The following SLC25A13 variants were observed in gnomAD, a reference collection of about 807,000 sequenced individuals.
SLC25A13 encodes solute carrier family 25 member 13.
A neutral mutation model predicts 85.5 loss-of-function variants in SLC25A13; 70 were observed. The observed-to-expected ratio is 0.82, with a 90% confidence interval of 0.68 to 1.00. SLC25A13 has a LOEUF of 1.00. Among genes scored for constraint, SLC25A13 ranks in the 50% least tolerant of loss-of-function variants. The pLI is 0.00. For synonymous variants in SLC25A13, 259 were observed against 288.7 expected (o/e 0.90, Z 1.04); for missense variants, 765 against 819.8 (o/e 0.93, Z 0.82).
At chr7:96,273,735 A>AT (rs1356336487) in intron 3 of SLC25A13, among the ~76,000 whole-genome samples, 5 of 151,546 alleles carry the variant, frequency 3.3e-5, no homozygotes, top group African/African-American at 7.3e-5. Flanking sequence ...TGTGACTCAG[A>AT]TTTTTTTTTC....
intron 3 of SLC25A13, among the ~76,000 whole-genome samples, chr7:96,267,342 T>C (rs1437637062): frequency 6.6e-6 from 1 of 152,200 alleles, no homozygotes; most frequent in Non-Finnish European, 1.5e-5. Flanking sequence ...CCATATATTC[T>C]TTCCTCAGAA....
chr7:96,246,998 C>A (rs1797215395), intron 3 of SLC25A13, among the ~76,000 whole-genome samples: 1 of 152,196 alleles, frequency 6.6e-6, no homozygotes, highest in African/African-American at 2.4e-5. Context: ...CTTGTTCCAA[C>A]AACAATGACG....
intron 2 of SLC25A13, among the ~76,000 whole-genome samples, chr7:96,291,310 G>A (rs1487519776): frequency 6.6e-6 from 1 of 152,136 alleles, no homozygotes; most frequent in Non-Finnish European, 1.5e-5. Context: ...AGCACTAAAT[G>A]CCCACAAGAG....
At chr7:96,173,773 C>T (rs1794104515) in intron 11 of SLC25A13, among the ~76,000 whole-genome samples, 1 of 152,140 alleles carries the variant, frequency 6.6e-6, no homozygotes, top group Admixed American at 6.5e-5. Context: ...ATCCCCAGGG[C>T]CACAGCTGAC....
At chr7:96,234,757 A>G (rs766269169) in intron 4 of SLC25A13, 45 bp downstream of exon 4, 16 of 1,433,916 alleles carry the variant, frequency 1.1e-5, no homozygotes, top group Non-Finnish European at 1.3e-5. Flanking sequence ...AAATGCTCAC[A>G]CAAGTCCACA....
chr7:96,161,295 G>A (rs888292328), intron 13 of SLC25A13, among the ~76,000 whole-genome samples: 9 of 152,206 alleles, frequency 5.9e-5, no homozygotes, highest in Non-Finnish European at 1.0e-4. Flanking sequence ...AAATATCCTG[G>A]ATATGCAGAC....
intron 4 of SLC25A13, 33 bp downstream of exon 4, chr7:96,234,769 T>C (rs372692478): frequency 6.6e-7 from 1 of 1,523,140 alleles, no homozygotes; most frequent in East Asian, 2.3e-5. Context: ...AAGTCCACAC[T>C]TACACAGACG....
intron 1 of SLC25A13, among the ~76,000 whole-genome samples, chr7:96,314,921 T>C (rs182037837): frequency 6.6e-6 from 1 of 152,284 alleles, no homozygotes; most frequent in African/African-American, 2.4e-5. Flanking sequence ...CAGGGAACAC[T>C]GGCACCACAT....
In SLC25A13 at chr7:96,196,413, C is replaced by G. The variant is rs530744430; in HGVS notation, c.469-3230G>C. On this transcript the variant is annotated intron_variant, in intron 5 of 17. Transcript: ENST00000265631. ...AAAATGGCACCGCTTTCTCTGGCAA[C>G]CCCATCTCCTCAGAAAGCAGGAAGC... Among the ~76,000 whole-genome samples, 3 of 152,288 alleles carry G rather than the reference C, an allele frequency of 2.0e-5. No individual in the cohort carries two copies. In the East Asian group the frequency reaches 5.8e-4, roughly 29 times the overall value.
intron 12 of SLC25A13, among the ~76,000 whole-genome samples, chr7:96,171,020 A>T (rs936460852): frequency 1.3e-5 from 2 of 152,212 alleles, no homozygotes; most frequent in Non-Finnish European, 2.9e-5. Context: ...GGTGTAATAG[A>T]AAGACATGCT....
intron 4 of SLC25A13, among the ~76,000 whole-genome samples, chr7:96,214,717 C>T (rs545582933): frequency 2.6e-5 from 4 of 151,294 alleles, no homozygotes; most frequent in East Asian, 4.0e-4. Flanking sequence ...GGCGAGACTC[C>T]GTTGCAAAAA....
intron 1 of SLC25A13, among the ~76,000 whole-genome samples, chr7:96,317,393 T>A (rs1025519091): frequency 6.6e-6 from 1 of 151,672 alleles, no homozygotes; most frequent in African/African-American, 2.4e-5. Context: ...CGAAACACAG[T>A]TGGAACTGAA....
At chr7:96,217,247 AG>A (rs1441400490) in intron 4 of SLC25A13, among the ~76,000 whole-genome samples, 1 of 152,218 alleles carries the variant, frequency 6.6e-6, no homozygotes, top group Non-Finnish European at 1.5e-5. Flanking sequence ...GAGGATGTGA[AG>A]GAACTGCAAC....
intron 1 of SLC25A13, among the ~76,000 whole-genome samples, chr7:96,313,025 G>A (rs954694668): frequency 6.6e-6 from 1 of 152,232 alleles, no homozygotes; most frequent in Non-Finnish European, 1.5e-5. Flanking sequence ...GCTGCAGGAT[G>A]AAGTCAGGAA....
chr7:96,189,576 C>T lies in SLC25A13; in HGVS notation c.848+5G>A. 19 of 1,417,724 alleles carry T rather than the reference C, an allele frequency of 1.3e-5. No individual in the cohort carries two copies. The highest frequency in any genetic ancestry group is 1.9e-5 in the Non-Finnish European group (19 of 1,024,146). 87.8% of individuals were successfully genotyped at this position (1,417,724 alleles called of 1,614,324 possible). On this transcript the variant is annotated splice_donor_5th_base_variant and intron_variant, in intron 8 of 17. Coordinates refer to ENST00000265631, the MANE Select transcript of SLC25A13 (RefSeq NM_014251.3). ...CCAAAAAAAAAAAAAAAAAAGCCAA[C>T]TTACCCCCTTGGCTCATATAAATCT...
intron 2 of SLC25A13, among the ~76,000 whole-genome samples, chr7:96,286,021 A>C (rs563385463): frequency 6.6e-6 from 1 of 152,324 alleles, no homozygotes; most frequent in East Asian, 1.9e-4. Flanking sequence ...ACGGTGGCTC[A>C]TGCCTGTAAT....
chr7:96,283,928 T>C (rs1315790563), intron 2 of SLC25A13: 1 of 152,958 alleles, frequency 6.5e-6, no homozygotes, highest in Non-Finnish European at 1.4e-5. Flanking sequence ...ATTAACTGTA[T>C]AATGTCTTTA....
chr7:96,317,317 C>G (rs1267537706), intron 1 of SLC25A13, among the ~76,000 whole-genome samples: 1 of 152,044 alleles, frequency 6.6e-6, no homozygotes, highest in Admixed American at 6.6e-5. Flanking sequence ...ATCTCAGAGC[C>G]TTCATCTATA....
chr7:96,247,262 C>A (rs191563830), intron 3 of SLC25A13, among the ~76,000 whole-genome samples: 35 of 152,166 alleles, frequency 2.3e-4, no homozygotes, highest in African/African-American at 7.2e-4. Flanking sequence ...CAATATACTA[C>A]TTAGATAGAG....
Sources: gnomAD v4.1 joint callset for allele counts (sites outside exome capture counted in the v4.1 genomes callset) on GRCh38, gnomAD v4.1.1 for gene constraint, MANE v1.5 for transcripts, NCBI Gene and HGNC (gene_info 2026-07-23, HGNC 2026-07-21) for gene names.